RFC3: variants seen among roughly 807,000 people sequenced by gnomAD.
RFC3 encodes replication factor C subunit 3, also known as A1 38 kDa subunit.
RFC3 carries 41 observed loss-of-function variants against 45.1 expected under a neutral mutation model. The observed-to-expected ratio is 0.91, with a 90% confidence interval of 0.71 to 1.18. The LOEUF (loss-of-function observed/expected upper bound fraction) is 1.18. Ranked by LOEUF, RFC3 falls within the 50% of genes most tolerant of loss-of-function variation. The probability of loss-of-function intolerance (pLI) is 0.00; values close to 1 mark genes in which losing one functional copy is unlikely to be tolerated. For synonymous variants in RFC3, 149 were observed against 144.0 expected (o/e 1.03, Z -0.25); for missense variants, 423 against 428.1 (o/e 0.99, Z 0.10).
chr13:33,896,471 C>A (rs988470103), intron 8 of RFC3, among the ~76,000 whole-genome samples: 8 of 151,554 alleles, frequency 5.3e-5, no homozygotes, highest in Non-Finnish European at 8.8e-5. Flanking sequence ...TGCCTGTAAT[C>A]CTGGCACTTT....
intron 8 of RFC3, among the ~76,000 whole-genome samples, chr13:33,960,254 A>G (rs934819190): frequency 6.6e-6 from 1 of 152,122 alleles, no homozygotes; most frequent in Non-Finnish European, 1.5e-5. Context: ...AAATCAAGTG[A>G]TGGTATTGAA....
intron 8 of RFC3, among the ~76,000 whole-genome samples, chr13:33,875,759 C>T (rs1012368065): frequency 2.0e-5 from 3 of 152,150 alleles, no homozygotes; most frequent in African/African-American, 2.4e-5. Context: ...CTGGGGGTGC[C>T]GTTGCATGTT....
chr13:33,927,435 A>G (rs2082821033), intron 8 of RFC3, among the ~76,000 whole-genome samples: 2 of 152,074 alleles, frequency 1.3e-5, no homozygotes, highest in Non-Finnish European at 2.9e-5. Context: ...TGGCATTGCT[A>G]GGTAAAACTT....
intron 1 of RFC3, among the ~76,000 whole-genome samples, chr13:33,819,220 C>T (rs1478807275): frequency 6.6e-6 from 1 of 152,134 alleles, no homozygotes; most frequent in Admixed American, 6.5e-5. Context: ...AAGATCCTCT[C>T]CCCTCTATCC....
intron 1 of RFC3, among the ~76,000 whole-genome samples, chr13:33,818,515 G>A (rs1220726072): frequency 6.6e-6 from 1 of 152,242 alleles, no homozygotes; most frequent in Non-Finnish European, 1.5e-5. Context: ...ACAGAAATCC[G>A]AGCAAAGAGT....
At chr13:33,863,224 T>C (rs1007150874) in intron 8 of RFC3, among the ~76,000 whole-genome samples, 8 of 152,304 alleles carry the variant, frequency 5.3e-5, no homozygotes, top group Non-Finnish European at 7.3e-5. Context: ...AATACATACA[T>C]ATATACACAA....
intron 8 of RFC3, among the ~76,000 whole-genome samples, chr13:33,856,963 A>T (rs759810822): frequency 5.3e-5 from 8 of 152,150 alleles, no homozygotes; most frequent in Non-Finnish European, 8.8e-5. Context: ...CTGCCAACTA[A>T]GCCTGCAGAA....
At chr13:33,931,936 A>G (rs112782756) in intron 8 of RFC3, among the ~76,000 whole-genome samples, 5,001 of 152,110 alleles carry the variant, frequency 0.033, 157 homozygotes, top group African/African-American at 0.079. Context: ...TACTTTTTGA[A>G]TATACATTTG....
intron 8 of RFC3, among the ~76,000 whole-genome samples, chr13:33,862,244 A>G (rs915267125): frequency 7.1e-6 from 1 of 140,852 alleles, no homozygotes; most frequent in Non-Finnish European, 1.5e-5. Context: ...ATTAAATCCA[A>G]TCTCAGCAAA....
At chr13:33,963,662 C>T (rs1294177930) in intron 8 of RFC3, among the ~76,000 whole-genome samples, 1 of 152,154 alleles carries the variant, frequency 6.6e-6, no homozygotes, top group Non-Finnish European at 1.5e-5. Flanking sequence ...ATATTTCCTC[C>T]ATCCTCTGTT....
intron 7 of RFC3, 127 bp from the exon 8 acceptor site, chr13:33,835,020 TA>T: frequency 1.8e-6 from 1 of 568,224 alleles, no homozygotes; most frequent in South Asian, 2.5e-5. Context: ...TTCATAAAGT[TA>T]GGTCATAAAG....
chr13:33,896,345 C>T (rs1234603302), intron 8 of RFC3, among the ~76,000 whole-genome samples: 2 of 151,662 alleles, frequency 1.3e-5, no homozygotes, highest in Admixed American at 6.6e-5. Context: ...TAGTTTCAAC[C>T]CAAGTAAGAT....
chr13:33,961,717 A>C (rs1466342945), intron 8 of RFC3, among the ~76,000 whole-genome samples: 1 of 152,222 alleles, frequency 6.6e-6, no homozygotes, highest in African/African-American at 2.4e-5. Context: ...GGCTGCAGAT[A>C]CAAGAGGAAC....
At chr13:33,915,323 A>T (rs1342278286) in intron 8 of RFC3, among the ~76,000 whole-genome samples, 1 of 152,098 alleles carries the variant, frequency 6.6e-6, no homozygotes, top group Non-Finnish European at 1.5e-5. Flanking sequence ...GTACACTTGC[A>T]CCCTTTTCTT....
At chr13:33,938,797 C>G (rs909787679) in intron 8 of RFC3, among the ~76,000 whole-genome samples, 3 of 152,000 alleles carry the variant, frequency 2.0e-5, no homozygotes, top group Non-Finnish European at 4.4e-5. Context: ...AAAGCTGGGT[C>G]ATTGGGGATG....
chr13:33,868,812 G>A (rs778681317), intron 8 of RFC3, among the ~76,000 whole-genome samples: 1 of 152,098 alleles, frequency 6.6e-6, no homozygotes, highest in Non-Finnish European at 1.5e-5. Context: ...CCAATTCCTT[G>A]TTCAAAATAT....
rs116780088 is a variant in RFC3 at position 33,927,622 on chromosome 13, T to A, written c.880-38465T>A. On this transcript the variant is annotated intron_variant, in intron 8 of 8. Transcript: ENST00000434425. ...GCAGTTTTTGTTATTGGGCCAGCCC[T>A]GTGTGAGAGCCCTCCCATCATGGCC... 6.5e-3 allele frequency among the ~76,000 whole-genome samples: 991 copies of A among 152,252 alleles called. 19 individuals are homozygous for A. Among genetic ancestry groups the A allele is most frequent in the African/African-American group, 0.023 (964 of 41,570 alleles).
chr13:33,836,493 A>G lies in RFC3; in HGVS notation c.*198A>G, dbSNP rs3135637. 3,007 of 1,322,466 alleles carry G rather than the reference A, an allele frequency of 2.3e-3. 47 individuals are homozygous for G. The African/African-American group carries it at 0.029, about 13-fold the overall frequency. 81.9% of individuals were successfully genotyped at this position (1,322,466 alleles called of 1,614,324 possible). On this transcript the variant is annotated 3_prime_UTR_variant, in exon 9 of 9. Coordinates refer to ENST00000380071, the MANE Select transcript of RFC3 (RefSeq NM_002915.4). Reference sequence around the variant, plus strand: ...ACTATTGAAGTATGTAGTTTTGTACATAACTTAGAGACTTTAGAGTCTAAG... The same window carrying G: ...ACTATTGAAGTATGTAGTTTTGTACGTAACTTAGAGACTTTAGAGTCTAAG...
At chr13:33,896,175 A>G (rs961572286) in intron 8 of RFC3, among the ~76,000 whole-genome samples, 2 of 151,128 alleles carry the variant, frequency 1.3e-5, no homozygotes, top group Non-Finnish European at 2.9e-5. Context: ...AAATATATAT[A>G]TATGTATATA....
Sources: allele counts gnomAD v4.1 joint callset (sites outside exome capture counted in the v4.1 genomes callset), GRCh38; gene constraint gnomAD v4.1.1; transcripts MANE v1.5; gene names NCBI Gene and HGNC (gene_info 2026-07-23, HGNC 2026-07-21).